Variants in VPS13B observed in about 807,000 individuals in gnomAD.
VPS13B encodes vacuolar protein sorting 13 homolog B, also known as intermembrane lipid transfer protein VPS13B.
VPS13B carries 285 observed loss-of-function variants against 426.4 expected under a neutral mutation model. The observed-to-expected ratio is 0.67, with a 90% CI of 0.61 to 0.74. The LOEUF is 0.74. Among genes scored for constraint, VPS13B ranks in the 30% least tolerant of loss-of-function variants. VPS13B has a pLI of 0.00. For synonymous variants in VPS13B, 1,676 were observed against 1,676.4 expected, an observed-to-expected ratio of 1.00 and a Z score of 0.01; for missense variants, 4,537 against 4,782.6, an observed-to-expected ratio of 0.95 and a Z score of 1.51.
At chr8:99,055,057 T>G (rs1042164013) in intron 3 of VPS13B, among the ~76,000 whole-genome samples, 2 of 151,376 alleles carry the variant, frequency 1.3e-5, no homozygotes, top group African/African-American at 4.9e-5. Flanking sequence ...TTTTTTTTTG[T>G]TACAGGGTCT....
chr8:99,232,446 C>G (rs1816383390), intron 17 of VPS13B, among the ~76,000 whole-genome samples: 2 of 151,942 alleles, frequency 1.3e-5, no homozygotes, highest in South Asian at 2.1e-4. Context: ...CACCTCGAAG[C>G]TCCTCTCTAC....
At chr8:99,132,247 T>C (rs998788979) in intron 8 of VPS13B, among the ~76,000 whole-genome samples, 2 of 152,144 alleles carry the variant, frequency 1.3e-5, no homozygotes, top group African/African-American at 4.8e-5. Flanking sequence ...CAAACACTAC[T>C]GCTGCTTTAT....
At chr8:99,381,810 T>C in intron 19 of VPS13B, among the ~76,000 whole-genome samples, 1 of 152,126 alleles carries the variant, frequency 6.6e-6, no homozygotes, top group East Asian at 1.9e-4. Flanking sequence ...ATATTAGATC[T>C]TGGTCAGATG....
intron 3 of VPS13B, among the ~76,000 whole-genome samples, chr8:99,074,241 A>ATT (rs1158688629): frequency 6.6e-6 from 1 of 152,062 alleles, no homozygotes; most frequent in African/African-American, 2.4e-5. Flanking sequence ...TCTATCCCTA[A>ATT]TATGTTGGGA....
intron 19 of VPS13B, among the ~76,000 whole-genome samples, chr8:99,312,961 G>A (rs187771524): frequency 5.2e-4 from 79 of 152,128 alleles, no homozygotes; most frequent in African/African-American, 1.7e-3. Context: ...TGATCGAATC[G>A]GCTAAGGAAG....
intron 43 of VPS13B, among the ~76,000 whole-genome samples, chr8:99,796,237 C>T (rs372267114): frequency 1.3e-5 from 2 of 151,984 alleles, no homozygotes; most frequent in African/African-American, 4.8e-5. Flanking sequence ...GCGATTGGAA[C>T]ATCATTGATG....
chr8:99,143,144 C>A lies in VPS13B; in HGVS notation c.1822C>A (p.Pro608Thr). The A allele has an allele frequency of 6.2e-7, 1 of 1,613,918 alleles. No individual in the cohort carries two copies. Among genetic ancestry groups the A allele is most frequent in the Non-Finnish European group, 8.5e-7 (1 of 1,179,938 alleles). Residue 608 changes from proline (P) to threonine (T), a missense_variant, in exon 13 of 62, where the codon CCA becomes ACA. Pro to Thr is a conservative substitution (Grantham distance 38, BLOSUM62 -1). This residue lies in a region of VPS13B where 4,311 missense variants were observed against 4,474.3 expected (regional missense o/e 0.96). Transcript: ENST00000357162. ...GTGTGCCTTGGAACATGAATATGAACCATATAGCAGGCTAAAATCAGGTTT... is the reference window on the plus strand; with the variant it reads ...GTGTGCCTTGGAACATGAATATGAAACATATAGCAGGCTAAAATCAGGTTT... ...IVCALEHEYE[P>T]YSRLKSDIKD...
intron 16 of VPS13B, among the ~76,000 whole-genome samples, chr8:99,191,651 G>A (rs1237061718): frequency 6.6e-6 from 1 of 151,738 alleles, no homozygotes; most frequent in Non-Finnish European, 1.5e-5. Flanking sequence ...CAGAGTGCTG[G>A]GATTACAGGT....
At chr8:99,076,733 A>G (rs1212235076) in intron 3 of VPS13B, among the ~76,000 whole-genome samples, 1 of 149,178 alleles carries the variant, frequency 6.7e-6, no homozygotes, top group Non-Finnish European at 1.5e-5. Context: ...CTGTACTTCT[A>G]GTCTATGTGT....
chr8:99,156,725 T>C lies in VPS13B; in HGVS notation c.2190T>C (p.Tyr730=). Residue 730 remains tyrosine (Y), a synonymous_variant, in exon 15 of 62, where the codon TAT becomes TAC. Coordinates refer to ENST00000357162, the MANE Select transcript of VPS13B (RefSeq NM_152564.5). ...QPSDNLLHYC[Y]VHCYLKIFGF... The stretch of plus-strand genomic sequence containing the variant: ...CTGATAACCTGCTTCATTATTGTTA[T>C]GTACACTGCTATCTTAAGGTATGAA... The C allele has an allele frequency of 6.2e-7, 1 of 1,614,050 alleles. No homozygotes were observed. Among genetic ancestry groups the C allele is most frequent in the Non-Finnish European group, 8.5e-7 (1 of 1,179,884 alleles).
intron 33 of VPS13B, among the ~76,000 whole-genome samples, chr8:99,619,180 A>G (rs550232914): frequency 1.8e-4 from 28 of 152,250 alleles, no homozygotes; most frequent in African/African-American, 6.5e-4. Context: ...TTCCTGAACC[A>G]AGCCCTGTGA....
chr8:99,468,918 C>T (rs992304477), intron 24 of VPS13B, among the ~76,000 whole-genome samples: 3 of 152,022 alleles, frequency 2.0e-5, no homozygotes, highest in African/African-American at 7.2e-5. Context: ...TTTTATAGAG[C>T]GTCTTTTTTG....
chr8:99,818,250 A>G (rs1454931238), intron 45 of VPS13B, among the ~76,000 whole-genome samples: 1 of 152,144 alleles, frequency 6.6e-6, no homozygotes, highest in Non-Finnish European at 1.5e-5. Flanking sequence ...GTCTTTATGG[A>G]AAGAGTTGGC....
intron 33 of VPS13B, among the ~76,000 whole-genome samples, chr8:99,590,886 A>G (rs1826618848): frequency 1.3e-5 from 2 of 152,116 alleles, no homozygotes; most frequent in African/African-American, 2.4e-5. Flanking sequence ...GGTCCTGGAT[A>G]TCCTCGTTAA....
At chr8:99,494,932 G>GC (rs1820808426) in intron 25 of VPS13B, among the ~76,000 whole-genome samples, 1 of 146,946 alleles carries the variant, frequency 6.8e-6, no homozygotes, top group Non-Finnish European at 1.5e-5. Context: ...TTTTTATACT[G>GC]TTTTTTTTTT....
intron 10 of VPS13B, among the ~76,000 whole-genome samples, 174 bp from the exon 11 acceptor site, chr8:99,135,422 G>T (rs2132556152): frequency 6.6e-6 from 1 of 152,094 alleles, no homozygotes; most frequent in East Asian, 1.9e-4. Flanking sequence ...CTTTTGGTTT[G>T]TAAAAATGAT....
intron 30 of VPS13B, among the ~76,000 whole-genome samples, chr8:99,529,403 G>C (rs985513371): frequency 6.6e-6 from 1 of 151,940 alleles, no homozygotes; most frequent in African/African-American, 2.4e-5. Context: ...ACCTGTTTTT[G>C]AGCTGTTTTA....
At chr8:99,174,193 T>C (rs1383968784) in intron 16 of VPS13B, among the ~76,000 whole-genome samples, 2 of 152,214 alleles carry the variant, frequency 1.3e-5, no homozygotes, top group African/African-American at 4.8e-5. Flanking sequence ...TATGTATTCA[T>C]TTTATGTATA....
intron 17 of VPS13B, among the ~76,000 whole-genome samples, chr8:99,217,040 CA>C: frequency 6.6e-6 from 1 of 151,836 alleles, no homozygotes; most frequent in Admixed American, 6.6e-5. Flanking sequence ...TAGTTTGGGG[CA>C]AAAAATGTTG....
Sources: gnomAD v4.1 joint callset for allele counts (sites outside exome capture counted in the v4.1 genomes callset) on GRCh38, gnomAD v4.1.1 for gene constraint, gnomAD v4.1.1 regional missense constraint, MANE v1.5 for transcripts, NCBI Gene and HGNC (gene_info 2026-07-23, HGNC 2026-07-21) for gene names.